Variants in ZFAT observed in about 807,000 individuals in gnomAD.
ZFAT encodes zinc finger protein ZFAT.
In ZFAT, 64 loss-of-function variants were observed where a neutral mutation model predicts 117.7. The observed-to-expected ratio is 0.54, with a 90% CI of 0.44 to 0.67. The LOEUF is 0.67. ZFAT is among the 30% of genes least tolerant of loss of function. ZFAT has a pLI of 0.00. For missense variants in ZFAT, 1,433 were observed against 1,584.5 expected (o/e 0.90, Z 1.62); for synonymous variants, 679 against 615.0 (o/e 1.10, Z -1.54).
chr8:134,786,727 A>G, the ZFAT span, among the ~76,000 whole-genome samples: 4 of 152,214 alleles, frequency 2.6e-5, no homozygotes, highest in African/African-American at 9.6e-5. Context: ...GGCAACACTA[A>G]TCAAAAAATA....
At chr8:134,741,426 C>T in the ZFAT span, among the ~76,000 whole-genome samples, 14 of 152,252 alleles carry the variant, frequency 9.2e-5, no homozygotes, top group South Asian at 4.2e-4. Context: ...TTACTGGGTA[C>T]GAATACTCTT....
At chr8:134,559,830 T>C (rs74928033) in intron 11 of ZFAT, among the ~76,000 whole-genome samples, 3,617 of 152,326 alleles carry the variant, frequency 0.024, 155 homozygotes, top group African/African-American at 0.083. Flanking sequence ...CTGTGATCTG[T>C]TCTTTTTATA....
In ZFAT at chr8:134,546,482, C is replaced by T. The variant is rs1053101453; in HGVS notation, c.2977-13510G>A. ...AGTGTGTAGCTGGGCTGGGGGAGGGCGGGATCCCAAGTTCTTGAGAACTTT... is the reference window on the plus strand; with the variant it reads ...AGTGTGTAGCTGGGCTGGGGGAGGGTGGGATCCCAAGTTCTTGAGAACTTT... On this transcript the variant is annotated intron_variant, in intron 11 of 15. Coordinates refer to ENST00000377838, the MANE Select transcript of ZFAT (RefSeq NM_020863.4). 5.3e-5 allele frequency among the ~76,000 whole-genome samples: 8 copies of T among 152,080 alleles called. No individual in the cohort carries two copies. In the East Asian group the frequency reaches 9.7e-4, roughly 18 times the overall value.
chr8:134,735,667 G>C, the ZFAT span, among the ~76,000 whole-genome samples: 2 of 152,128 alleles, frequency 1.3e-5, no homozygotes, highest in African/African-American at 4.8e-5. Flanking sequence ...TGCAACCTGA[G>C]TGAGTGGGAT....
At chr8:134,666,169 G>A (rs2131241024) in intron 1 of ZFAT, among the ~76,000 whole-genome samples, 1 of 152,230 alleles carries the variant, frequency 6.6e-6, no homozygotes, top group South Asian at 2.1e-4. Context: ...AGCAGCAGAG[G>A]CCCAGTTGGG....
the ZFAT span, among the ~76,000 whole-genome samples, chr8:134,787,713 G>A: frequency 6.6e-6 from 1 of 151,734 alleles, no homozygotes; most frequent in South Asian, 2.1e-4. Flanking sequence ...ATACTGTTGG[G>A]ATTTTGATAA....
the ZFAT span, among the ~76,000 whole-genome samples, chr8:134,729,294 G>A: frequency 6.6e-6 from 1 of 152,132 alleles, no homozygotes; most frequent in Non-Finnish European, 1.5e-5. Flanking sequence ...CTGGATTTGG[G>A]CTGCCCCTGG....
In ZFAT at chr8:134,581,944, T is replaced by C. The variant is rs562244605; in HGVS notation, c.2887+1888A>G. ...AGTGCTGAAAACAAAGACATGACTTTACAAATACCTCACCCTCCCAAAAAT... is the reference window on the plus strand; with the variant it reads ...AGTGCTGAAAACAAAGACATGACTTCACAAATACCTCACCCTCCCAAAAAT... On this transcript the variant is annotated intron_variant, in intron 10 of 15. Coordinates refer to ENST00000377838, the MANE Select transcript of ZFAT (RefSeq NM_020863.4). Among the ~76,000 whole-genome samples, 7 of 152,292 alleles carry C rather than the reference T, an allele frequency of 4.6e-5. No homozygotes were observed. In the South Asian group the frequency reaches 1.5e-3, roughly 32 times the overall value.
intron 1 of ZFAT, among the ~76,000 whole-genome samples, chr8:134,689,624 GC>G (rs1315470203): frequency 2.0e-5 from 3 of 152,220 alleles, no homozygotes; most frequent in African/African-American, 7.2e-5. Context: ...AGCATTTCCA[GC>G]AGTCAAGGTA....
At chr8:134,824,954 A>AT in the ZFAT span, among the ~76,000 whole-genome samples, 3 of 152,172 alleles carry the variant, frequency 2.0e-5, no homozygotes, top group Non-Finnish European at 2.9e-5. Flanking sequence ...CATAAGTGTA[A>AT]TTTTTTTTCC....
chr8:134,678,629 C>G (rs937723236), intron 1 of ZFAT, among the ~76,000 whole-genome samples: 1 of 152,192 alleles, frequency 6.6e-6, no homozygotes, highest in Non-Finnish European at 1.5e-5. Context: ...ATAGCCAAGA[C>G]AATCCTAAGC....
At chr8:134,744,561 G>A in the ZFAT span, among the ~76,000 whole-genome samples, 1 of 151,934 alleles carries the variant, frequency 6.6e-6, no homozygotes, top group Non-Finnish European at 1.5e-5. Flanking sequence ...CTCCCAAAGT[G>A]CTGGGATTAC....
At chr8:134,518,382 A>T (rs1040166063) in intron 13 of ZFAT, among the ~76,000 whole-genome samples, 1 of 152,200 alleles carries the variant, frequency 6.6e-6, no homozygotes, top group Non-Finnish European at 1.5e-5. Context: ...GCCATTTTAC[A>T]TTCCCACCAG....
chr8:134,617,639 T>G (rs927229562), intron 3 of ZFAT, among the ~76,000 whole-genome samples: 1 of 152,148 alleles, frequency 6.6e-6, no homozygotes, highest in African/African-American at 2.4e-5. Context: ...CTCAAAGGAA[T>G]GCTGTCTACA....
At chr8:134,566,393 C>CAAAA (rs57041885) in intron 10 of ZFAT, among the ~76,000 whole-genome samples, 2 of 77,294 alleles carry the variant, frequency 2.6e-5, no homozygotes, top group Non-Finnish European at 4.8e-5. Flanking sequence ...GACTCCAACT[C>CAAAA]AAAAAAAAAA....
chr8:134,542,314 T>G (rs1288342996), intron 11 of ZFAT, among the ~76,000 whole-genome samples: 1 of 152,244 alleles, frequency 6.6e-6, no homozygotes. Context: ...TTCCAACTTT[T>G]ATTTTAGGCT....
chr8:134,816,313 T>G, the ZFAT span, among the ~76,000 whole-genome samples: 1 of 152,194 alleles, frequency 6.6e-6, no homozygotes, highest in South Asian at 2.1e-4. Context: ...TTTGGTAACA[T>G]GTCTATTTTG....
intron 11 of ZFAT, among the ~76,000 whole-genome samples, chr8:134,555,237 G>C (rs1442496021): frequency 6.6e-6 from 1 of 151,376 alleles, no homozygotes; most frequent in African/African-American, 2.5e-5. Flanking sequence ...AACCAGAGAT[G>C]CTCGTTAGAG....
chr8:134,703,876 T>C (rs950868353), intron 1 of ZFAT, among the ~76,000 whole-genome samples: 1 of 151,756 alleles, frequency 6.6e-6, no homozygotes, highest in African/African-American at 2.4e-5. Flanking sequence ...AGAGGGAGAA[T>C]GGAAGGGGAA....
Sources: gnomAD v4.1 joint callset for allele counts (sites outside exome capture counted in the v4.1 genomes callset) on GRCh38, gnomAD v4.1.1 for gene constraint, MANE v1.5 for transcripts, NCBI Gene and HGNC (gene_info 2026-07-23, HGNC 2026-07-21) for gene names.